Variants in CEMIP2 observed in about 807,000 individuals in gnomAD.
The protein encoded by CEMIP2 is cell migration inducing hyaluronidase 2, also known as cell surface hyaluronidase CEMIP2.
In CEMIP2, 79 loss-of-function variants were observed where a neutral mutation model predicts 146.9. That is an observed-to-expected ratio of 0.54 (90% CI 0.45 to 0.65). The LOEUF (loss-of-function observed/expected upper bound fraction) is 0.65. Among genes scored for constraint, CEMIP2 ranks in the 30% least tolerant of loss-of-function variants. The pLI, the probability that CEMIP2 is intolerant of heterozygous loss-of-function variation, is 0.00. For synonymous variants in CEMIP2, 601 were observed against 606.3 expected (o/e 0.99, Z 0.13); for missense variants, 1,596 against 1,696.2 (o/e 0.94, Z 1.04).
At chr9:71,728,243 A>ACG (rs1169599730) in intron 10 of CEMIP2, among the ~76,000 whole-genome samples, 4 of 49,212 alleles carry the variant, frequency 8.1e-5, no homozygotes, top group Non-Finnish European at 1.7e-4. Context: ...ATATATATAT[A>ACG]TATATATGTA....
intron 15 of CEMIP2, chr9:71,712,561 G>C (rs189020428): frequency 8.7e-4 from 194 of 222,758 alleles, no homozygotes; most frequent in Non-Finnish European, 1.1e-3. Context: ...TCTCTGAAGA[G>C]GTGACTTTGT....
intron 1 of CEMIP2, among the ~76,000 whole-genome samples, chr9:71,757,116 C>T (rs1184139098): frequency 6.6e-6 from 1 of 152,130 alleles, no homozygotes; most frequent in Admixed American, 6.5e-5. Context: ...TCATCAGTCC[C>T]CCAAATAATC....
At chr9:71,729,331 G>C (rs372768151) in intron 10 of CEMIP2, among the ~76,000 whole-genome samples, 10 of 151,922 alleles carry the variant, frequency 6.6e-5, no homozygotes, top group African/African-American at 2.4e-4. Context: ...AAATACTAAT[G>C]GGCACAGGCC....
intron 1 of CEMIP2, among the ~76,000 whole-genome samples, chr9:71,759,822 G>A (rs1486498877): frequency 6.7e-6 from 1 of 148,260 alleles, no homozygotes; most frequent in Non-Finnish European, 1.5e-5. Context: ...GGGGGGTACG[G>A]GGAGGTGGGG....
intron 18 of CEMIP2, among the ~76,000 whole-genome samples, chr9:71,701,582 T>C (rs1183755062): frequency 6.7e-6 from 1 of 149,652 alleles, no homozygotes; most frequent in Non-Finnish European, 1.5e-5. Context: ...TTCTAAATAA[T>C]TTTTTTGTTT....
chr9:71,699,367 G>T (rs1822488686), intron 19 of CEMIP2: 2 of 426,772 alleles, frequency 4.7e-6, no homozygotes, highest in Non-Finnish European at 9.4e-6. Flanking sequence ...GATCACTTGA[G>T]CCCAGGAGAT....
rs759725637 is a variant in CEMIP2 at position 71,694,499 on chromosome 9, T to C, written c.3696+10A>G. Reference sequence around the variant, plus strand: ...TAGAACAGACTAAGACAACACCAGATGGTACTTACAGAAATAACAGACGGG... The same window carrying C: ...TAGAACAGACTAAGACAACACCAGACGGTACTTACAGAAATAACAGACGGG... On this transcript the variant is annotated intron_variant, in intron 21 of 23. Coordinates refer to ENST00000377044, the MANE Select transcript of CEMIP2 (RefSeq NM_013390.3). 5 of 1,602,954 alleles carry C rather than the reference T, an allele frequency of 3.1e-6. No individual in the cohort carries two copies. The highest frequency in any genetic ancestry group is 2.2e-5 in the East Asian group (1 of 44,770).
At chr9:71,731,065 A>C in intron 7 of CEMIP2, 151 bp from the exon 8 acceptor site, 1 of 664,180 alleles carries the variant, frequency 1.5e-6, no homozygotes. Flanking sequence ...GCCAGTTAAT[A>C]ATTTAGGAAA....
intron 15 of CEMIP2, 77 bp downstream of exon 15, chr9:71,714,857 A>G (rs143840748): frequency 1.5e-5 from 22 of 1,497,066 alleles, no homozygotes; most frequent in Non-Finnish European, 2.0e-5. Context: ...ATCCAGGATT[A>G]TCACAGAAAC....
chr9:71,709,499 A>G (rs1019995094), intron 16 of CEMIP2, 25 bp from the exon 17 acceptor site: 41 of 1,602,858 alleles, frequency 2.6e-5, no homozygotes, highest in Non-Finnish European at 3.1e-5. Context: ...AAAGAAAGAC[A>G]TCACAAAGTG....
rs111970928 is a variant in CEMIP2, at chr9:71,700,273, T to C, written c.3377+369A>G. On this transcript the variant is annotated intron_variant, in intron 19 of 23. Transcript: ENST00000377044. ...AGGTCAACTTGTAAGATAGCCTAAGTCAGGAAGAGAAAAATGAGCTTTCAC... is the reference window on the plus strand; with the variant it reads ...AGGTCAACTTGTAAGATAGCCTAAGCCAGGAAGAGAAAAATGAGCTTTCAC... 4.0e-3 allele frequency among the ~76,000 whole-genome samples: 613 copies of C among 152,272 alleles called. 4 individuals are homozygous for C. Among genetic ancestry groups the C allele is most frequent in the African/African-American group, 0.014 (579 of 41,556 alleles).
At chr9:71,732,185 A>AT in intron 7 of CEMIP2, among the ~76,000 whole-genome samples, 166 bp downstream of exon 7, 1 of 152,230 alleles carries the variant, frequency 6.6e-6, no homozygotes, top group East Asian at 1.9e-4. Context: ...AACTGAAGTC[A>AT]TAACATTCTA....
rs751295156 is a variant in CEMIP2, at chr9:71,694,535, G to C, written c.3670C>G (p.Gln1224Glu). 1.2e-6 allele frequency: 2 copies of C among 1,613,810 alleles called. No individual in the cohort carries two copies. Among genetic ancestry groups the C allele is most frequent in the Admixed American group, 1.7e-5 (1 of 60,020 alleles). Residue 1224 changes from glutamine (Q) to glutamate (E), a missense_variant, in exon 21 of 24, where the codon CAG becomes GAG. Physicochemically the swap from Gln to Glu is conservative, Grantham distance 29 (BLOSUM62 2). Transcript: ENST00000377044. ...QFQSPDKAET[Q>E]RGDPSVISVN... ...GAAATAACAGACGGGTCTCCACGCT[G>C]GGTTTCTGCTTTATCAGGTGACTGG... is the stretch of plus-strand genomic sequence containing the variant.
intron 15 of CEMIP2, among the ~76,000 whole-genome samples, chr9:71,713,262 G>C (rs529731027): frequency 6.6e-6 from 1 of 151,984 alleles, no homozygotes; most frequent in Non-Finnish European, 1.5e-5. Context: ...TGGGTCTCAC[G>C]ATATCCGATG....
chr9:71,716,529 A>C lies in CEMIP2; in HGVS notation c.2423T>G (p.Leu808Arg). Reference sequence around the variant, plus strand: ...AGCAATTACAAACCTGGCAAAGGTCAGTCCTATTCCATTATCTGCAAATCT... The same window carrying C: ...AGCAATTACAAACCTGGCAAAGGTCCGTCCTATTCCATTATCTGCAAATCT... ...NSAFADNGIG[L>R]TFASDGSFPS... Residue 808 changes from leucine (L) to arginine (R), a missense_variant, in exon 14 of 24, where the codon CTG becomes CGG. By Grantham distance (102) the Leu-to-Arg change is moderately radical. Transcript: ENST00000377044. The C allele has an allele frequency of 6.3e-7, 1 of 1,598,446 alleles. No homozygotes were observed. Among genetic ancestry groups the C allele is most frequent in the Non-Finnish European group, 8.5e-7 (1 of 1,173,448 alleles).
chr9:71,692,336 ATCTCTCTC>A (rs151025508), intron 21 of CEMIP2, among the ~76,000 whole-genome samples: 2 of 44,290 alleles, frequency 4.5e-5, no homozygotes, highest in South Asian at 1.4e-3. Flanking sequence ...CGCTCTCCCC[ATCTCTCTC>A]TCTCTCTCTC....
intron 17 of CEMIP2, among the ~76,000 whole-genome samples, chr9:71,707,637 A>G (rs1822786460): frequency 6.6e-6 from 1 of 152,216 alleles, no homozygotes; most frequent in South Asian, 2.1e-4. Context: ...AGAAGTGACA[A>G]GCGGGAGCCC....
At chr9:71,704,882 A>G in intron 17 of CEMIP2, 79 bp from the exon 18 acceptor site, 1 of 1,385,482 alleles carries the variant, frequency 7.2e-7, no homozygotes, top group Non-Finnish European at 1.0e-6. Flanking sequence ...CACAAAGTCA[A>G]GTGTCTCAAC....
rs59985618 is a variant in CEMIP2 at position 71,732,686 on chromosome 9, A to ATTTTT, written c.1394-171_1394-167dup. On this transcript the variant is annotated intron_variant, in intron 6 of 23. Transcript: ENST00000377044. ...GAATCAGAATCCCAGGACACGGGGA[A>ATTTTT]TTTTTTTTTTTTTTTTTTTTTTTTT... 8.0e-4 allele frequency among the ~76,000 whole-genome samples: 61 copies of ATTTTT among 75,878 alleles called. 5 individuals carry two copies. The highest frequency in any genetic ancestry group is 2.2e-3 in the African/African-American group (35 of 16,100). 49.8% of individuals were successfully genotyped at this position (75,878 alleles called of 152,430 possible).
Sources: allele counts gnomAD v4.1 joint callset (sites outside exome capture counted in the v4.1 genomes callset), GRCh38; gene constraint gnomAD v4.1.1; transcripts MANE v1.5; gene names NCBI Gene and HGNC (gene_info 2026-07-23, HGNC 2026-07-21).